The following SLC52A3 variants were observed in gnomAD, a reference collection of about 807,000 sequenced individuals.
SLC52A3 encodes the protein solute carrier family 52, riboflavin transporter, member 3.
In SLC52A3, 20 loss-of-function variants were observed where a neutral mutation model predicts 29.5. That is an observed-to-expected ratio of 0.68 (90% confidence interval 0.48 to 0.99). The LOEUF is 0.99. Ranked by LOEUF, SLC52A3 falls within the 50% of genes least tolerant of loss-of-function variation. The pLI is 0.00. For synonymous variants in SLC52A3, 301 were observed against 271.0 expected (o/e 1.11, Z -1.09); for missense variants, 548 against 612.9 (o/e 0.89, Z 1.12).
chr20:764,363 A>G (rs1286652576), intron 2 of SLC52A3, among the ~76,000 whole-genome samples: 2 of 151,514 alleles, frequency 1.3e-5, no homozygotes, highest in Non-Finnish European at 2.9e-5. Flanking sequence ...ACCTTTTATC[A>G]CCCCACAGCA....
At chr20:763,471 A>G in intron 3 of SLC52A3, 27 bp downstream of exon 3, 3 of 1,613,650 alleles carry the variant, frequency 1.9e-6, no homozygotes, top group Non-Finnish European at 2.5e-6. Flanking sequence ...CCCCACTAGG[A>G]TTCCCTAGGA....
upstream of SLC52A3, among the ~76,000 whole-genome samples, chr20:776,661 T>C (rs987986151): frequency 2.0e-5 from 3 of 152,090 alleles, no homozygotes; most frequent in African/African-American, 7.2e-5. Context: ...AGAAAGACCA[T>C]GAGGCTGGCC....
At chr20:761,865 G>A (rs1297095214) in intron 3 of SLC52A3, 41 bp from the exon 4 acceptor site, 1 of 1,613,752 alleles carries the variant, frequency 6.2e-7, no homozygotes, top group Non-Finnish European at 8.5e-7. Flanking sequence ...TGAGAAGCCT[G>A]ACCTCTGACC....
intron 4 of SLC52A3, 170 bp from the exon 5 acceptor site, chr20:761,408 G>C: frequency 2.4e-6 from 2 of 820,454 alleles, no homozygotes; most frequent in Non-Finnish European, 3.7e-6. Context: ...TTGGCCGCCC[G>C]GGGGCGAAGG....
At chr20:779,045 A>C (rs951426442), upstream of SLC52A3, among the ~76,000 whole-genome samples, 2 of 152,352 alleles carry the variant, frequency 1.3e-5, no homozygotes. Context: ...TGAACTATTT[A>C]GTTAAATACC....
chr20:761,446 G>C (rs1986476052), intron 4 of SLC52A3: 1 of 746,712 alleles, frequency 1.3e-6, no homozygotes, highest in African/African-American at 1.8e-5. Context: ...CTGGGTTCAC[G>C]TGCCCATGAT....
intron 1 of SLC52A3, chr20:766,452 G>T: frequency 6.5e-6 from 1 of 152,864 alleles, no homozygotes. Flanking sequence ...GCCCAAGCCT[G>T]CGCGTGTACA....
rs765556707 is a variant in SLC52A3 at position 763,980 on chromosome 20, G to T, written c.591C>A (p.Ser197=). Residue 197 remains serine, a synonymous_variant, in exon 3 of 5, where the codon TCC becomes TCA. Transcript: ENST00000645534. ...IAQGVPRALV[S]ALPGMEAPLS... is the part of the protein sequence containing the mutation. ...AGGGTGCTTCCATTCCGGGGAGGGC[G>T]GACACCAAAGCTCTGGGAACTCCCT... 1 of 1,589,326 alleles carries T rather than the reference G, an allele frequency of 6.3e-7. No individual in the cohort carries two copies. Among genetic ancestry groups the T allele is most frequent in the South Asian group, 1.1e-5 (1 of 88,260 alleles).
In SLC52A3 at chr20:760,953, C is replaced by T. The variant is rs1218483633; in HGVS notation, c.*73G>A. On this transcript the variant is annotated 3_prime_UTR_variant, in exon 5 of 5. Coordinates refer to ENST00000645534, the MANE Select transcript of SLC52A3 (RefSeq NM_033409.4). The surrounding 1 kb of genome is among the most constrained non-coding windows in gnomAD (Gnocchi z 4.9). ...CAGGCTCTGTCTCTCTGTTCCTGCC[C>T]CTTGCTCTGTGACCTGGCCTCTCTG... 1.4e-6 allele frequency: 2 copies of T among 1,428,260 alleles called. No individual in the cohort carries two copies. The highest frequency in any genetic ancestry group is 2.8e-5 in the African/African-American group (2 of 70,664). 88.5% of individuals were successfully genotyped at this position (1,428,260 alleles called of 1,614,324 possible). A position where few individuals can be genotyped will look rare whatever the true frequency, so the allele number is the denominator to read the frequency against.
chr20:775,096 G>A (rs1021721852), intron 1 of SLC52A3, among the ~76,000 whole-genome samples: 1 of 152,104 alleles, frequency 6.6e-6, no homozygotes, highest in East Asian at 1.9e-4. Context: ...AAGGGCTTCA[G>A]GCCTCCCATG....
chr20:765,076 T>C lies in SLC52A3; in HGVS notation c.567+132A>G. On this transcript the variant is annotated intron_variant, in intron 2 of 4. Coordinates refer to ENST00000645534, the MANE Select transcript of SLC52A3 (RefSeq NM_033409.4). The surrounding 1 kb of genome is among the most constrained non-coding windows in gnomAD (Gnocchi z 6.6). ...AGTAATTAAAATGAGTTTCCTGCTG[T>C]TGATCTGCCTTATGTCAGTTTAACT... 1 of 1,016,166 alleles carries C rather than the reference T, an allele frequency of 9.8e-7. No individual in the cohort carries two copies. The highest frequency in any genetic ancestry group is 1.5e-6 in the Non-Finnish European group (1 of 666,192). 62.9% of individuals were successfully genotyped at this position (1,016,166 alleles called of 1,614,324 possible). A position where few individuals can be genotyped will look rare whatever the true frequency, so the allele number is the denominator to read the frequency against.
rs1297341060 is a variant in SLC52A3 at position 763,651 on chromosome 20, A to AC, written c.919dup (p.Val307GlyfsTer51). On this transcript the variant is annotated frameshift_variant, in exon 3 of 5. Coordinates refer to ENST00000645534, the MANE Select transcript of SLC52A3 (RefSeq NM_033409.4). LOFTEE classifies it high-confidence loss of function. ...GTTGGTGAGCGCGTTGACGAAGGCC[A>AC]CCAGGGTATAGATGAAGGCCAGGTG... The AC allele has an allele frequency of 6.2e-7, 1 of 1,614,158 alleles. No homozygotes were observed. Among genetic ancestry groups the AC allele is most frequent in the Non-Finnish European group, 8.5e-7 (1 of 1,180,012 alleles).
At position 768,480 on chromosome 20, in the gene SLC52A3, C is replaced by T. The variant is rs1013940627; in HGVS notation, c.-235G>A. 2.0e-5 allele frequency: 3 copies of T among 152,214 alleles called. No homozygotes were observed. The highest frequency in any genetic ancestry group is 7.2e-5 in the African/African-American group (3 of 41,448). 9.4% of individuals were successfully genotyped at this position (152,214 alleles called of 1,614,324 possible). On this transcript the variant is annotated 5_prime_UTR_variant, in exon 1 of 5. Transcript: ENST00000645534. Reference sequence around the variant, plus strand: ...GCAGTCTTTAACTCCATACTTCTTCCTTCTAGTACAAAGCAGGAGTGTCCG... The same window carrying T: ...GCAGTCTTTAACTCCATACTTCTTCTTTCTAGTACAAAGCAGGAGTGTCCG...
intron 1 of SLC52A3, among the ~76,000 whole-genome samples, chr20:766,840 C>T (rs1053424447): frequency 6.6e-6 from 1 of 151,982 alleles, no homozygotes; most frequent in African/African-American, 2.4e-5. Flanking sequence ...ACAAAGAGAC[C>T]CCATATAGAA....
intron 3 of SLC52A3, among the ~76,000 whole-genome samples, chr20:763,182 C>T (rs1456001236): frequency 6.6e-6 from 1 of 152,350 alleles, no homozygotes; most frequent in Non-Finnish European, 1.5e-5. Flanking sequence ...TGATGGTCAA[C>T]GCTTAGGCTG....
At position 760,528 on chromosome 20, in the gene SLC52A3, G is replaced by A. The variant is rs759828433; in HGVS notation, c.*498C>T. On this transcript the variant is annotated 3_prime_UTR_variant, in exon 5 of 5. Coordinates refer to ENST00000645534, the MANE Select transcript of SLC52A3 (RefSeq NM_033409.4). This position sits in a 1 kb window ranked among gnomAD's most constrained non-coding sequence, Gnocchi z 4.9. The stretch of plus-strand genomic sequence containing the variant: ...TGCAGACTGCCACTCTTGTTACTAC[G>A]ATGGACTGTCAGATCAGCAGGTGGC... The A allele has an allele frequency of 4.8e-5, 8 of 166,214 alleles. No homozygotes were observed. The highest frequency in any genetic ancestry group is 1.1e-4 in the Admixed American group (2 of 17,614). The allele number at this position is 166,214 out of a possible 1,614,324, so 10.3% of individuals were successfully genotyped here.
Position 760,331 on chromosome 20 carries a change from G to A in SLC52A3, c.*695C>T, listed in dbSNP as rs1986412025. ...GTGGGCTTTATGGGCCAGGAAGGAT[G>A]ACAGGAAGGGGTGTGTGGGGTACTA... On this transcript the variant is annotated 3_prime_UTR_variant, in exon 5 of 5. Transcript: ENST00000645534. This position sits in a 1 kb window ranked among gnomAD's most constrained non-coding sequence, Gnocchi z 4.9. 6.6e-6 allele frequency: 1 copy of A among 152,276 alleles called. No individual in the cohort carries two copies. The highest frequency in any genetic ancestry group is 6.5e-5 in the Admixed American group (1 of 15,290). The allele number at this position is 152,276 out of a possible 1,614,324, so 9.4% of individuals were successfully genotyped here. A position where few individuals can be genotyped will look rare whatever the true frequency, so the allele number is the denominator to read the frequency against.
intron 1 of SLC52A3, among the ~76,000 whole-genome samples, chr20:767,850 T>TA (rs1986735692): frequency 2.0e-5 from 3 of 152,156 alleles, no homozygotes. Context: ...TGTTTACCCC[T>TA]TTGTCAGCTA....
rs1293891991 is a variant in SLC52A3, at chr20:765,811, C to T, written c.-37G>A. ...CCCTGGGCCAGAGGCTTTCTCAGAT[C>T]AGCCTGCAGCGGGGCTGGCAGAGAA... is the stretch of plus-strand genomic sequence containing the variant. On this transcript the variant is annotated 5_prime_UTR_variant, in exon 2 of 5. Coordinates refer to ENST00000645534, the MANE Select transcript of SLC52A3 (RefSeq NM_033409.4). The surrounding 1 kb of genome is among the most constrained non-coding windows in gnomAD (Gnocchi z 6.6). 1 of 1,595,934 alleles carries T rather than the reference C, an allele frequency of 6.3e-7. No homozygotes were observed. Among genetic ancestry groups the T allele is most frequent in the East Asian group, 2.2e-5 (1 of 44,452 alleles).
Sources: gnomAD v4.1 joint callset for allele counts (sites outside exome capture counted in the v4.1 genomes callset) on GRCh38, gnomAD v4.1.1 for gene constraint, Gnocchi (gnomAD v3.1) non-coding constraint, MANE v1.5 for transcripts, NCBI Gene and HGNC (gene_info 2026-07-23, HGNC 2026-07-21) for gene names.